The following NIM1K variants were observed in gnomAD, a reference collection of about 807,000 sequenced individuals.
NIM1K encodes the protein NIM1 serine/threonine protein kinase.
In NIM1K, 35 loss-of-function variants were observed where a neutral mutation model predicts 37.1. That is an observed-to-expected ratio of 0.94 (90% CI 0.72 to 1.25). The LOEUF is 1.25. NIM1K is among the 50% of genes most tolerant of loss of function. The pLI is 0.00. For synonymous variants in NIM1K, 234 were observed against 206.6 expected (o/e 1.13, Z -1.14); for missense variants, 564 against 548.0 (o/e 1.03, Z -0.29).
In NIM1K at chr5:43,249,044, TTTTATTTATTTATTTA is replaced by T. The variant is rs58657107; in HGVS notation, c.292+3005_292+3020del. ...GTGCCACCTTGCCCGGCTAGTTTATTTTTATTTATTTATTTATTTATTTATTTATTTATTTATTTAT... is the reference window on the plus strand; with the variant it reads ...GTGCCACCTTGCCCGGCTAGTTTATTTTTATTTATTTATTTATTTATTTAT... On this transcript the variant is annotated intron_variant, in intron 2 of 3. Coordinates refer to ENST00000326035, the MANE Select transcript of NIM1K (RefSeq NM_153361.4). Among the ~76,000 whole-genome samples the T allele has an allele frequency of 2.0e-3, 277 of 139,182 alleles. 2 individuals carry two copies. The highest frequency in any genetic ancestry group is 9.1e-3 in the East Asian group (43 of 4,712). 91.3% of individuals were successfully genotyped at this position (139,182 alleles called of 152,430 possible).
intron 2 of NIM1K, among the ~76,000 whole-genome samples, chr5:43,248,754 AC>A (rs1029727344): frequency 1.3e-5 from 2 of 151,990 alleles, no homozygotes; most frequent in African/African-American, 2.4e-5. Flanking sequence ...CAGACTCAAG[AC>A]CCAGGAAGAG....
chr5:43,251,564 G>C (rs960653734), intron 2 of NIM1K, among the ~76,000 whole-genome samples: 1 of 152,208 alleles, frequency 6.6e-6, no homozygotes, highest in Admixed American at 6.5e-5. Flanking sequence ...CACATGTATT[G>C]AGTACAGGGG....
In NIM1K at chr5:43,213,983, C is replaced by CTT. The variant is rs764323868; in HGVS notation, c.-695+21584_-695+21585dup. Among the ~76,000 whole-genome samples, 1,238 of 139,136 alleles carry CTT rather than the reference C, an allele frequency of 8.9e-3. 18 individuals carry two copies. The highest frequency in any genetic ancestry group is 0.03 in the Middle Eastern group (8 of 266). The allele number at this position is 139,136 out of a possible 152,430, so 91.3% of individuals were successfully genotyped here. A position where few individuals can be genotyped will look rare whatever the true frequency, so the allele number is the denominator to read the frequency against. Reference sequence around the variant, plus strand: ...TTCTCCTTCCTTCTTCTCTTTCTTTCTTTTTTTTTTTTTGTCTTACCTTTT... The same window carrying CTT: ...TTCTCCTTCCTTCTTCTCTTTCTTTCTTTTTTTTTTTTTTTGTCTTACCTTTT... On this transcript the variant is annotated intron_variant, in intron 1 of 3. Transcript: ENST00000326035.
chr5:43,264,697 G>T (rs1753094051), intron 2 of NIM1K, among the ~76,000 whole-genome samples: 1 of 152,182 alleles, frequency 6.6e-6, no homozygotes, highest in Non-Finnish European at 1.5e-5. Context: ...GTTAGTTGAT[G>T]CAGTTTTCTC....
At chr5:43,275,185 T>G (rs576406836) in intron 2 of NIM1K, among the ~76,000 whole-genome samples, 1 of 152,244 alleles carries the variant, frequency 6.6e-6, no homozygotes, top group Non-Finnish European at 1.5e-5. Context: ...TACCAGATTT[T>G]TATCTATGCA....
At chr5:43,230,085 C>T (rs2112241602) in intron 1 of NIM1K, among the ~76,000 whole-genome samples, 1 of 152,156 alleles carries the variant, frequency 6.6e-6, no homozygotes, top group African/African-American at 2.4e-5. Context: ...AACCCAGAAA[C>T]AAATGGAGTA....
intron 1 of NIM1K, among the ~76,000 whole-genome samples, chr5:43,228,368 G>C (rs928714865): frequency 6.6e-6 from 1 of 151,858 alleles, no homozygotes; most frequent in Non-Finnish European, 1.5e-5. Context: ...GGATGGTCTC[G>C]ATCTCCTGAC....
At chr5:43,244,625 G>A (rs1752750189) in intron 1 of NIM1K, among the ~76,000 whole-genome samples, 1 of 152,106 alleles carries the variant, frequency 6.6e-6, no homozygotes, top group Non-Finnish European at 1.5e-5. Flanking sequence ...AAATGACATA[G>A]GAAGAAAGAG....
In NIM1K at chr5:43,262,730, T is replaced by C. The variant is rs183610612; in HGVS notation, c.293-14327T>C. 5.9e-5 allele frequency among the ~76,000 whole-genome samples: 9 copies of C among 152,338 alleles called. No individual in the cohort carries two copies. In the East Asian group the frequency reaches 1.7e-3, roughly 29 times the overall value. On this transcript the variant is annotated intron_variant, in intron 2 of 3. Transcript: ENST00000326035. The stretch of plus-strand genomic sequence containing the variant: ...TCCAGTTTTTGCCCATTCCATATGA[T>C]ATTGGCTGTGGGTTTATCATAAATA...
intron 1 of NIM1K, among the ~76,000 whole-genome samples, chr5:43,235,140 TA>T: frequency 6.6e-6 from 1 of 152,256 alleles, no homozygotes; most frequent in East Asian, 1.9e-4. Flanking sequence ...GATTTAAACA[TA>T]TAGACAAGGG....
At chr5:43,232,429 C>G in intron 1 of NIM1K, 11 of 1,475,120 alleles carry the variant, frequency 7.5e-6, no homozygotes, top group African/African-American at 1.4e-5. Context: ...GATCAACATT[C>G]AGGACTCCAT....
chr5:43,240,800 G>C (rs1015495239), intron 1 of NIM1K, among the ~76,000 whole-genome samples: 2 of 151,838 alleles, frequency 1.3e-5, no homozygotes, highest in African/African-American at 2.4e-5. Flanking sequence ...GCCTCCCAAA[G>C]TGCTGGTATT....
intron 1 of NIM1K, among the ~76,000 whole-genome samples, chr5:43,202,106 T>C (rs529010840): frequency 5.3e-5 from 8 of 152,330 alleles, no homozygotes; most frequent in African/African-American, 1.9e-4. Context: ...AAATTTTCTT[T>C]TGAGTTAATA....
intron 2 of NIM1K, among the ~76,000 whole-genome samples, chr5:43,256,752 A>G (rs796470417): frequency 4.6e-5 from 7 of 152,334 alleles, no homozygotes; most frequent in African/African-American, 1.7e-4. Flanking sequence ...ACTGACTGGT[A>G]GAAGTTAATG....
chr5:43,229,460 T>C (rs956906273), intron 1 of NIM1K, among the ~76,000 whole-genome samples: 1 of 151,686 alleles, frequency 6.6e-6, no homozygotes, highest in Admixed American at 6.6e-5. Flanking sequence ...CCTTGATGTA[T>C]CAGAAAACTA....
At chr5:43,230,439 G>A (rs1561080437) in intron 1 of NIM1K, among the ~76,000 whole-genome samples, 1 of 152,036 alleles carries the variant, frequency 6.6e-6, no homozygotes, top group African/African-American at 2.4e-5. Context: ...TGTGCTCACA[G>A]CCCATGACTG....
At chr5:43,233,687 G>A (rs1160724914) in intron 1 of NIM1K, among the ~76,000 whole-genome samples, 7 of 152,204 alleles carry the variant, frequency 4.6e-5, no homozygotes, top group African/African-American at 1.7e-4. Flanking sequence ...CATTAGAGCT[G>A]GAGAAAGTTA....
chr5:43,263,370 C>CT (rs1238952968), intron 2 of NIM1K, among the ~76,000 whole-genome samples: 1 of 152,164 alleles, frequency 6.6e-6, no homozygotes, highest in Admixed American at 6.5e-5. Context: ...TTATCCATTT[C>CT]TTCTAGATTT....
chr5:43,201,687 G>T (rs559736894), intron 1 of NIM1K, among the ~76,000 whole-genome samples: 7 of 151,664 alleles, frequency 4.6e-5, no homozygotes, highest in Non-Finnish European at 1.0e-4. Context: ...CTGACCGGGC[G>T]TGGTGGTTCA....
Sources: gnomAD v4.1 joint callset for allele counts (sites outside exome capture counted in the v4.1 genomes callset) on GRCh38, gnomAD v4.1.1 for gene constraint, MANE v1.5 for transcripts, NCBI Gene and HGNC (gene_info 2026-07-23, HGNC 2026-07-21) for gene names.